The following RNF14 variants were observed in gnomAD, a reference collection of about 807,000 sequenced individuals.
RNF14 encodes the protein E3 ubiquitin-protein ligase RNF14.
Under a neutral mutation model 52.6 loss-of-function variants are expected in RNF14, and 26 were observed. The observed-to-expected ratio is 0.49, with a 90% CI of 0.36 to 0.69. The LOEUF (loss-of-function observed/expected upper bound fraction) is 0.69. RNF14 is among the 30% of genes least tolerant of loss of function. The pLI is 0.00. For synonymous variants in RNF14, 194 were observed against 202.0 expected (o/e 0.96, Z 0.34); for missense variants, 404 against 560.4 (o/e 0.72, Z 2.82).
chr5:141,955,572 G>T (rs756895774), upstream of RNF14: 10 of 1,614,218 alleles, frequency 6.2e-6, no homozygotes, highest in Non-Finnish European at 8.5e-6. This position sits in a 1 kb window ranked among gnomAD's most constrained non-coding sequence, Gnocchi z 5.5. Context: ...TGGGCTGCTG[G>T]CGGTAGGTGG....
upstream of RNF14, chr5:141,957,416 C>T: frequency 6.2e-7 from 1 of 1,613,038 alleles, no homozygotes. The surrounding 1 kb of genome is among the most constrained non-coding windows in gnomAD (Gnocchi z 4.3). Context: ...GAGGCGCTCT[C>T]AGAGATTTCC....
chr5:141,989,088 G>T lies in RNF14; in HGVS notation c.*1298G>T, dbSNP rs1755458315. 6.6e-6 allele frequency: 1 copy of T among 152,214 alleles called. No individual in the cohort carries two copies. Among genetic ancestry groups the T allele is most frequent in the Admixed American group, 6.6e-5 (1 of 15,266 alleles). The allele number at this position is 152,214 out of a possible 1,614,324, so 9.4% of individuals were successfully genotyped here. The stretch of plus-strand genomic sequence containing the variant: ...GAGGAATCACTTTTAACTGTTTTAG[G>T]TGTGTGTGTCCAGAGTGAGCAAGGA... On this transcript the variant is annotated 3_prime_UTR_variant, in exon 9 of 9. Coordinates refer to ENST00000394520, the MANE Select transcript of RNF14 (RefSeq NM_004290.5).
chr5:141,956,160 C>G (rs763439771), upstream of RNF14: 1 of 1,614,218 alleles, frequency 6.2e-7, no homozygotes, highest in Non-Finnish European at 8.5e-7. Context: ...GCTGGACCAC[C>G]TCTGGGGCAT....
At chr5:141,978,175 A>G in intron 4 of RNF14, 128 bp from the exon 5 acceptor site, 1 of 743,098 alleles carries the variant, frequency 1.3e-6, no homozygotes, top group South Asian at 1.9e-5. Context: ...ACAGTGTATC[A>G]CAGCAGTAAA....
In RNF14 at chr5:141,987,780, T is replaced by C. The variant is rs1479281651; in HGVS notation, c.1415T>C (p.Val472Ala). 6 of 1,613,306 alleles carry C rather than the reference T, an allele frequency of 3.7e-6. No individual in the cohort carries two copies. Among genetic ancestry groups the C allele is most frequent in the Non-Finnish European group, 4.2e-6 (5 of 1,179,886 alleles). ...GACGACGATATTTGGGAAGATGAGG[T>C]AGAAGACTAGTTAACTACTGCTCAA... ...DVDDDIWEDE[V>A]ED Residue 472 changes from valine to alanine, a missense_variant, in exon 9 of 9, where the codon GTA becomes GCA. Coordinates refer to ENST00000394520, the MANE Select transcript of RNF14 (RefSeq NM_004290.5).
Position 141,980,141 on chromosome 5 carries a change from G to A in RNF14, c.853G>A (p.Ala285Thr). The A allele has an allele frequency of 6.2e-7, 1 of 1,614,162 alleles. No individual in the cohort carries two copies. The highest frequency in any genetic ancestry group is 8.5e-7 in the Non-Finnish European group (1 of 1,179,982). ...TPGQVKELVE[A>T]ELFARYDRLL... ...CCTCCAGGTCAAAGAGTTAGTGGAAGCAGAGTTATTTGCCCGTTATGACCG... is the reference window on the plus strand; with the variant it reads ...CCTCCAGGTCAAAGAGTTAGTGGAAACAGAGTTATTTGCCCGTTATGACCG... Residue 285 changes from alanine to threonine, a missense_variant, in exon 6 of 9, where the codon GCA becomes ACA. Physicochemically the swap from Ala to Thr is moderately conservative, Grantham distance 58 (BLOSUM62 0). Coordinates refer to ENST00000394520, the MANE Select transcript of RNF14 (RefSeq NM_004290.5).
At chr5:141,975,069 G>T in intron 4 of RNF14, 114 bp downstream of exon 4, 1 of 1,165,092 alleles carries the variant, frequency 8.6e-7, no homozygotes, top group African/African-American at 1.6e-5. Context: ...AATGGCTTTG[G>T]TTTTGTAATT....
intron 2 of RNF14, among the ~76,000 whole-genome samples, chr5:141,972,890 A>C (rs1753911355): frequency 6.6e-6 from 1 of 151,816 alleles, no homozygotes; most frequent in Non-Finnish European, 1.5e-5. Context: ...CGCGCCTGGC[A>C]AATTAACTTA....
In RNF14 at chr5:141,987,721, T is replaced by C; in HGVS notation, c.1368-12T>C. ...CAAGTGTATAAAAATGTACCTTTTT[T>C]AATGCTTCCAGGCTGTTTTATGCTG... is the stretch of plus-strand genomic sequence containing the variant. On this transcript the variant is annotated splice_polypyrimidine_tract_variant and intron_variant, in intron 8 of 8. Coordinates refer to ENST00000394520, the MANE Select transcript of RNF14 (RefSeq NM_004290.5). The C allele has an allele frequency of 6.2e-7, 1 of 1,613,924 alleles. No homozygotes were observed. Among genetic ancestry groups the C allele is most frequent in the Non-Finnish European group, 8.5e-7 (1 of 1,179,858 alleles).
chr5:141,951,503 C>T, the RNF14 span: 1 of 1,613,974 alleles, frequency 6.2e-7, no homozygotes, highest in Admixed American at 1.7e-5. Flanking sequence ...CTGCTGCCTC[C>T]TGGCTTGGCC....
In RNF14 at chr5:141,980,111, A is replaced by T; in HGVS notation, c.835-12A>T. 2 of 1,609,838 alleles carry T rather than the reference A, an allele frequency of 1.2e-6. No individual in the cohort carries two copies. The highest frequency in any genetic ancestry group is 1.7e-6 in the Non-Finnish European group (2 of 1,176,150). On this transcript the variant is annotated splice_polypyrimidine_tract_variant and intron_variant, in intron 5 of 8. Transcript: ENST00000394520. ...AATCATCAAACCTATGGTGTTTTGT[A>T]TTTCCCTCCAGGTCAAAGAGTTAGT...
chr5:141,951,471 G>A, the RNF14 span: 2 of 1,593,782 alleles, frequency 1.3e-6, no homozygotes, highest in Non-Finnish European at 1.7e-6. Flanking sequence ...TGAGATGCCT[G>A]TGGGGGCTAC....
chr5:141,985,090 A>C (rs879605964), intron 8 of RNF14, among the ~76,000 whole-genome samples, 157 bp downstream of exon 8: 4 of 152,104 alleles, frequency 2.6e-5, no homozygotes, highest in Non-Finnish European at 5.9e-5. Flanking sequence ...TTTCTCAAAA[A>C]TGAGTTTTAT....
intron 1 of RNF14, among the ~76,000 whole-genome samples, chr5:141,961,754 G>A (rs1753276794): frequency 6.6e-6 from 1 of 152,106 alleles, no homozygotes. Flanking sequence ...AAGGGTGGGG[G>A]TTCAGAGAAT....
At chr5:141,956,671 C>T, upstream of RNF14, 1 of 1,614,226 alleles carries the variant, frequency 6.2e-7, no homozygotes, top group Non-Finnish European at 8.5e-7. Context: ...CAGCTCTTGG[C>T]TCAGCCAGCA....
chr5:141,978,615 G>C lies in RNF14; in HGVS notation c.619G>C (p.Ala207Pro). 6.2e-7 allele frequency: 1 copy of C among 1,614,018 alleles called. No individual in the cohort carries two copies. Among genetic ancestry groups the C allele is most frequent in the Non-Finnish European group, 8.5e-7 (1 of 1,179,874 alleles). The stretch of plus-strand genomic sequence containing the variant: ...CCAGGAAATCTTGGACTTTGATCAA[G>C]CTCAGCAGATAAAATGCTTTAATAG... ...LIQEILDFDQAQQIKCFNSKL... is the reference protein window; with the variant it reads ...LIQEILDFDQPQQIKCFNSKL... Residue 207 changes from alanine to proline, a missense_variant, in exon 5 of 9, where the codon GCT becomes CCT. Ala to Pro is a conservative substitution (Grantham distance 27). Transcript: ENST00000394520.
intron 1 of RNF14, chr5:141,958,717 TC>T (rs1348301229): frequency 6.6e-6 from 1 of 152,286 alleles, no homozygotes; most frequent in African/African-American, 2.4e-5. Context: ...AGCGGTGTCA[TC>T]TGGGACAAGT....
At chr5:141,956,484 A>G (rs201475949), upstream of RNF14, 10 of 1,614,160 alleles carry the variant, frequency 6.2e-6, no homozygotes, top group Admixed American at 1.7e-5. Flanking sequence ...ACACAGGTGC[A>G]TTGTCGTTGA....
At chr5:141,959,660 C>T (rs546386340) in intron 1 of RNF14, among the ~76,000 whole-genome samples, 3 of 152,292 alleles carry the variant, frequency 2.0e-5, no homozygotes, top group South Asian at 2.1e-4. Flanking sequence ...GGGACAGTCA[C>T]CTGCACTCCT....
Sources: allele counts gnomAD v4.1 joint callset (sites outside exome capture counted in the v4.1 genomes callset), GRCh38; gene constraint gnomAD v4.1.1; non-coding constraint Gnocchi (gnomAD v3.1); transcripts MANE v1.5; gene names NCBI Gene and HGNC (gene_info 2026-07-23, HGNC 2026-07-21).